FOXL1: variants seen among roughly 807,000 people sequenced by gnomAD.
FOXL1 encodes forkhead box L1.
Under a neutral mutation model 1.7 loss-of-function variants are expected in FOXL1, and 2 were observed. The observed-to-expected ratio is 1.21, with a 90% CI of 0.49 to 3.80. FOXL1 has a LOEUF of 3.80. Among genes scored for constraint, FOXL1 ranks in the 30% most tolerant of loss-of-function variants. The pLI is 0.07. For synonymous variants in FOXL1, 280 were observed against 229.3 expected (o/e 1.22, Z -2.00); for missense variants, 565 against 495.8 (o/e 1.14, Z -1.32).
chr16:86,578,710 G>C lies in FOXL1; in HGVS notation c.-14G>C, dbSNP rs1597406014. On this transcript the variant is annotated 5_prime_UTR_variant, in exon 1 of 1. Transcript: ENST00000320241. ...CCTGCGTTGCGGGGAGCGCAGCGCA[G>C]GCTCTCGCTTGCCATGAGTCACCTC... 6 of 1,588,358 alleles carry C rather than the reference G, an allele frequency of 3.8e-6. No homozygotes were observed. Among genetic ancestry groups the C allele is most frequent in the South Asian group, 1.1e-5 (1 of 88,198 alleles).
rs1222191270 is a variant in FOXL1, at chr16:86,580,126, G to A, written c.*365G>A. The A allele has an allele frequency of 2.0e-5, 5 of 256,218 alleles. No individual in the cohort carries two copies. In the East Asian group the frequency reaches 3.6e-4, roughly 18 times the overall value. The allele number at this position is 256,218 out of a possible 1,614,324, so 15.9% of individuals were successfully genotyped here. A position where few individuals can be genotyped will look rare whatever the true frequency, so the allele number is the denominator to read the frequency against. On this transcript the variant is annotated 3_prime_UTR_variant, in exon 1 of 1. Coordinates refer to ENST00000320241, the MANE Select transcript of FOXL1 (RefSeq NM_005250.3). The stretch of plus-strand genomic sequence containing the variant: ...GCGAGTCCCGGGCATGCAAGGGCCC[G>A]CAGACCACCCAAGGCAGGCCTTACA...
chr16:86,579,294 G>C lies in FOXL1; in HGVS notation c.571G>C (p.Ala191Pro). Reference protein sequence around the residue: ...PAISRLQAAPAGPSPLLDGPS... With the variant: ...PAISRLQAAPPGPSPLLDGPS... ...AATCTCCCGCCTGCAGGCAGCGCCC[G>C]CGGGCCCCTCGCCCCTCCTGGACGG... Residue 191 changes from alanine to proline, a missense_variant, in exon 1 of 1, where the codon GCG (alanine) becomes CCG (proline). By Grantham distance (27) the Ala-to-Pro change is conservative. Transcript: ENST00000320241. 1 of 1,080,370 alleles carries C rather than the reference G, an allele frequency of 9.3e-7. No individual in the cohort carries two copies. The highest frequency in any genetic ancestry group is 4.0e-5 in the Admixed American group (1 of 25,316). The allele number at this position is 1,080,370 out of a possible 1,614,324, so 66.9% of individuals were successfully genotyped here. A position where few individuals can be genotyped will look rare whatever the true frequency, so the allele number is the denominator to read the frequency against.
In FOXL1 at chr16:86,579,139, G is replaced by A; in HGVS notation, c.416G>A (p.Arg139Gln). The change falls in exon 1 of 1, where the codon CGG (arginine) becomes CAG (glutamine). Residue 139 changes from arginine (R) to glutamine (Q), a missense_variant. Coordinates refer to ENST00000320241, the MANE Select transcript of FOXL1 (RefSeq NM_005250.3). ...GACATGTTTGAGAACGGCAACTACCGGCGCCGGAAGAGGAAGCCCAAGCCG... is the reference window on the plus strand; with the variant it reads ...GACATGTTTGAGAACGGCAACTACCAGCGCCGGAAGAGGAAGCCCAAGCCG... ...CLDMFENGNY[R>Q]RRKRKPKPGP... The A allele has an allele frequency of 1.9e-6, 3 of 1,613,344 alleles. No individual in the cohort carries two copies. The highest frequency in any genetic ancestry group is 1.7e-4 in the Middle Eastern group (1 of 5,856).
rs1974411982 is a variant in FOXL1, at chr16:86,581,332, C to G, written c.*1571C>G. 1 of 167,068 alleles carries G rather than the reference C, an allele frequency of 6.0e-6. No homozygotes were observed. Among genetic ancestry groups the G allele is most frequent in the African/African-American group, 2.4e-5 (1 of 41,462 alleles). The allele number at this position is 167,068 out of a possible 1,614,324, so 10.3% of individuals were successfully genotyped here. On this transcript the variant is annotated 3_prime_UTR_variant, in exon 1 of 1. Coordinates refer to ENST00000320241, the MANE Select transcript of FOXL1 (RefSeq NM_005250.3). The stretch of plus-strand genomic sequence containing the variant: ...TTTAAGATCGCTTTTAAAATAGTTT[C>G]CAGGACTTGTCTAAAAATGATGACA...
chr16:86,581,662 C>T lies in FOXL1; in HGVS notation c.*1901C>T, dbSNP rs1000683970. On this transcript the variant is annotated 3_prime_UTR_variant, in exon 1 of 1. Coordinates refer to ENST00000320241, the MANE Select transcript of FOXL1 (RefSeq NM_005250.3). The stretch of plus-strand genomic sequence containing the variant: ...ATATTTTGCTATCCCAAACTCTCAG[C>T]CTCTGTGAATAAAGTTGTTTTTTCA... The T allele has an allele frequency of 1.8e-5, 3 of 167,106 alleles. No individual in the cohort carries two copies. Among genetic ancestry groups the T allele is most frequent in the African/African-American group, 7.2e-5 (3 of 41,462 alleles). The allele number at this position is 167,106 out of a possible 1,614,324, so 10.4% of individuals were successfully genotyped here. A position where few individuals can be genotyped will look rare whatever the true frequency, so the allele number is the denominator to read the frequency against.
Position 86,579,782 on chromosome 16 carries a change from T to TTC in FOXL1, c.*24_*25dup. The TTC allele has an allele frequency of 6.3e-7, 1 of 1,599,614 alleles. No individual in the cohort carries two copies. Among genetic ancestry groups the TTC allele is most frequent in the Non-Finnish European group, 8.6e-7 (1 of 1,168,780 alleles). ...AGTAAAGCAAACAATGGCACGGTTC[T>TTC]TCTCCCGGCCCAGCCTGAGCCTCCG... On this transcript the variant is annotated 3_prime_UTR_variant, in exon 1 of 1. Transcript: ENST00000320241.
At position 86,578,886 on chromosome 16, in the gene FOXL1, A is replaced by G. The variant is rs1228460243; in HGVS notation, c.163A>G (p.Ile55Val). 1.9e-6 allele frequency: 3 copies of G among 1,614,136 alleles called. No homozygotes were observed. The Admixed American group carries it at 5.0e-5, about 27-fold the overall frequency. Residue 55 changes from isoleucine to valine, a missense_variant, in exon 1 of 1, where the codon ATC (isoleucine) becomes GTC (valine). Physicochemically the swap from Ile to Val is conservative, Grantham distance 29. Transcript: ENST00000320241. The part of the protein sequence containing the change: ...ETPQKPPYSY[I>V]ALIAMAIQDA... ...CCCGCAGAAGCCTCCCTACAGCTAC[A>G]TCGCGCTCATCGCCATGGCGATCCA...
Position 86,578,954 on chromosome 16 carries a change from G to T in FOXL1, c.231G>T (p.Gln77His), listed in dbSNP as rs775902167. ...EQRVTLNGIY[Q>H]FIMDRFPFYH... ...GGGTCACGCTCAACGGCATCTACCA[G>T]TTCATCATGGACCGCTTCCCCTTCT... Residue 77 changes from glutamine to histidine, a missense_variant, in exon 1 of 1, where the codon CAG becomes CAT. By Grantham distance (24) the Gln-to-His change is conservative (BLOSUM62 0). Coordinates refer to ENST00000320241, the MANE Select transcript of FOXL1 (RefSeq NM_005250.3). The T allele has an allele frequency of 1.9e-6, 3 of 1,614,082 alleles. No individual in the cohort carries two copies. The African/African-American group carries it at 4.0e-5, about 22-fold the overall frequency.
In FOXL1 at chr16:86,580,786, CAG is replaced by C; in HGVS notation, c.*1027_*1028del. 1 of 166,994 alleles carries C rather than the reference CAG, an allele frequency of 6.0e-6. No homozygotes were observed. 10.3% of individuals were successfully genotyped at this position (166,994 alleles called of 1,614,324 possible). ...TGGTGGTCGCTATATTTTTCAGAAA[CAG>C]ATAATGAAAGACTACATTTAATTTA... On this transcript the variant is annotated 3_prime_UTR_variant, in exon 1 of 1. Coordinates refer to ENST00000320241, the MANE Select transcript of FOXL1 (RefSeq NM_005250.3).
rs1006349695 is a variant in FOXL1 at position 86,583,311 on chromosome 16, C to T, written c.*3550C>T. Reference sequence around the variant, plus strand: ...TGACGTTTCCAGTAACCAGCTGCACCCAGGAGTGAGAAAATAAGGGGAGAG... The same window carrying T: ...TGACGTTTCCAGTAACCAGCTGCACTCAGGAGTGAGAAAATAAGGGGAGAG... On this transcript the variant is annotated 3_prime_UTR_variant, in exon 1 of 1. Transcript: ENST00000320241. Among the ~76,000 whole-genome samples the T allele has an allele frequency of 1.3e-5, 2 of 151,872 alleles. No homozygotes were observed. Among genetic ancestry groups the T allele is most frequent in the Non-Finnish European group, 2.9e-5 (2 of 68,004 alleles).
In FOXL1 at chr16:86,579,483, A is replaced by T; in HGVS notation, c.760A>T (p.Ser254Cys). ...CCCCGCCTCCCGCAGCTCTCCGAAG[A>T]GCTCCGACAAGTCCAAGAGCTTCAG... Reference protein sequence around the residue: ...LRPASRSSPKSSDKSKSFSID... With the variant: ...LRPASRSSPKCSDKSKSFSID... The change falls in exon 1 of 1, where the codon AGC (serine) becomes TGC (cysteine). Residue 254 changes from serine (S) to cysteine (C), a missense_variant. Transcript: ENST00000320241. The T allele has an allele frequency of 6.4e-7, 1 of 1,574,530 alleles. No individual in the cohort carries two copies.
Position 86,581,159 on chromosome 16 carries a change from T to A in FOXL1, c.*1398T>A, listed in dbSNP as rs975718673. 6.0e-6 allele frequency: 1 copy of A among 167,074 alleles called. No homozygotes were observed. The highest frequency in any genetic ancestry group is 1.5e-5 in the Non-Finnish European group (1 of 68,114). 10.3% of individuals were successfully genotyped at this position (167,074 alleles called of 1,614,324 possible). ...GTTCAGCTTGCAGCTTCCGGGGAAA[T>A]GCAACCGACCTCTATGCCATCTCTA... On this transcript the variant is annotated 3_prime_UTR_variant, in exon 1 of 1. Coordinates refer to ENST00000320241, the MANE Select transcript of FOXL1 (RefSeq NM_005250.3).
At position 86,581,034 on chromosome 16, in the gene FOXL1, T is replaced by C. The variant is rs544732896; in HGVS notation, c.*1273T>C. 1.2e-5 allele frequency: 2 copies of C among 167,164 alleles called. No individual in the cohort carries two copies. The highest frequency in any genetic ancestry group is 4.1e-4 in the South Asian group (2 of 4,826). 10.4% of individuals were successfully genotyped at this position (167,164 alleles called of 1,614,324 possible). A position where few individuals can be genotyped will look rare whatever the true frequency, so the allele number is the denominator to read the frequency against. ...CCTGCCAGGCAGGCCTGGAGGCTGA[T>C]ACTAAATCAAAACCTTAAAGAGGTG... On this transcript the variant is annotated 3_prime_UTR_variant, in exon 1 of 1. Coordinates refer to ENST00000320241, the MANE Select transcript of FOXL1 (RefSeq NM_005250.3).
rs2144033628 is a variant in FOXL1, at chr16:86,579,424, C to T, written c.701C>T (p.Ala234Val). The change falls in exon 1 of 1, where the codon GCG becomes GTG. Residue 234 changes from alanine (A) to valine (V), a missense_variant. By Grantham distance (64) the Ala-to-Val change is moderately conservative. Coordinates refer to ENST00000320241, the MANE Select transcript of FOXL1 (RefSeq NM_005250.3). ...GAAAVAVGQAARTGDGPGSPL... is the reference protein window; with the variant it reads ...GAAAVAVGQAVRTGDGPGSPL... ...GCGGCCGTGGCGGTCGGCCAGGCAG[C>T]GCGCACAGGGGACGGCCCGGGGTCC... 1.3e-6 allele frequency: 2 copies of T among 1,538,992 alleles called. No individual in the cohort carries two copies. The highest frequency in any genetic ancestry group is 8.7e-7 in the Non-Finnish European group (1 of 1,143,652).
In FOXL1 at chr16:86,579,710, C is replaced by T; in HGVS notation, c.987C>T (p.Phe329=). The part of the protein sequence containing the change: ...QGGFYQLGIP[F]LSYFPLQVPD... ...GCTTTTACCAGCTCGGGATCCCCTT[C>T]CTCTCTTATTTCCCCCTGCAGGTTC... The change falls in exon 1 of 1, where the codon TTC becomes TTT. Residue 329 remains phenylalanine, a synonymous_variant. Coordinates refer to ENST00000320241, the MANE Select transcript of FOXL1 (RefSeq NM_005250.3). The T allele has an allele frequency of 6.2e-7, 1 of 1,605,222 alleles. No individual in the cohort carries two copies. Among genetic ancestry groups the T allele is most frequent in the Non-Finnish European group, 8.5e-7 (1 of 1,172,522 alleles).
At position 86,579,299 on chromosome 16, in the gene FOXL1, C is replaced by G. The variant is rs1428243902; in HGVS notation, c.576C>G (p.Gly192=). 2 of 1,385,100 alleles carry G rather than the reference C, an allele frequency of 1.4e-6. No individual in the cohort carries two copies. The highest frequency in any genetic ancestry group is 6.1e-5 in the Admixed American group (2 of 32,634). 85.8% of individuals were successfully genotyped at this position (1,385,100 alleles called of 1,614,324 possible). ...AISRLQAAPA[G]PSPLLDGPSP... is the part of the protein sequence containing the mutation. ...CCCGCCTGCAGGCAGCGCCCGCGGG[C>G]CCCTCGCCCCTCCTGGACGGCCCCT... Residue 192 remains glycine, a synonymous_variant, in exon 1 of 1, where the codon GGC becomes GGG. Transcript: ENST00000320241.
In FOXL1 at chr16:86,583,461, G is replaced by A. The variant is rs1246979647; in HGVS notation, c.*3700G>A. On this transcript the variant is annotated 3_prime_UTR_variant, in exon 1 of 1. Coordinates refer to ENST00000320241, the MANE Select transcript of FOXL1 (RefSeq NM_005250.3). The stretch of plus-strand genomic sequence containing the variant: ...AAAGTTTGTCCATTAAAAATAAAAA[G>A]CGTGAGTTTGTGGAAAAGTAAGATT... Among the ~76,000 whole-genome samples the A allele has an allele frequency of 6.6e-6, 1 of 152,144 alleles. No individual in the cohort carries two copies. The highest frequency in any genetic ancestry group is 1.5e-5 in the Non-Finnish European group (1 of 68,024).
rs1192268486 is a variant in FOXL1 at position 86,579,854 on chromosome 16, T to A, written c.*93T>A. 30 of 1,264,566 alleles carry A rather than the reference T, an allele frequency of 2.4e-5. No individual in the cohort carries two copies. The highest frequency in any genetic ancestry group is 1.1e-6 in the Non-Finnish European group (1 of 894,860). The allele number at this position is 1,264,566 out of a possible 1,614,324, so 78.3% of individuals were successfully genotyped here. On this transcript the variant is annotated 3_prime_UTR_variant, in exon 1 of 1. Coordinates refer to ENST00000320241, the MANE Select transcript of FOXL1 (RefSeq NM_005250.3). ...CCACCGGCGGAGGATTTTAAAATGA[T>A]CTTTGCCTGGGTCGGCCTGTGGGTT...
chr16:86,579,665 C>A lies in FOXL1; in HGVS notation c.942C>A (p.Leu314=), dbSNP rs758392330. The part of the protein sequence containing the change: ...LRPPFNASLM[L]DPHVQGGFYQ... ...CGCCTTTCAACGCTTCCCTGATGCT[C>A]GACCCGCATGTCCAGGGCGGCTTTT... Residue 314 remains leucine, a synonymous_variant, in exon 1 of 1, where the codon CTC becomes CTA. Transcript: ENST00000320241. 2 of 1,613,884 alleles carry A rather than the reference C, an allele frequency of 1.2e-6. No individual in the cohort carries two copies. The highest frequency in any genetic ancestry group is 1.7e-6 in the Non-Finnish European group (2 of 1,180,010).
Sources: gnomAD v4.1 joint callset for allele counts (sites outside exome capture counted in the v4.1 genomes callset) on GRCh38, gnomAD v4.1.1 for gene constraint, MANE v1.5 for transcripts, NCBI Gene and HGNC (gene_info 2026-07-23, HGNC 2026-07-21) for gene names.